ACKR3: variants seen among roughly 807,000 people sequenced by gnomAD.
ACKR3 encodes the protein C-X-C chemokine receptor type 7.
A neutral mutation model predicts 22.4 loss-of-function variants in ACKR3; 6 were observed. The observed-to-expected ratio is 0.27, with a 90% CI of 0.15 to 0.53. The LOEUF (loss-of-function observed/expected upper bound fraction) is 0.53, where lower values mean the gene tolerates loss of function less well. ACKR3 is among the 20% of genes least tolerant of loss of function. The pLI is 0.96. For synonymous variants in ACKR3, 209 were observed against 205.2 expected (o/e 1.02, Z -0.16); for missense variants, 396 against 475.2 (o/e 0.83, Z 1.55).
chr2:236,557,287 C>T, the ACKR3 span, among the ~76,000 whole-genome samples: 1,780 of 147,720 alleles, frequency 0.012, 29 homozygotes, highest in Non-Finnish European at 0.012. Context: ...TGTGTGCATA[C>T]GTATAGATGT....
chr2:236,575,292 C>T (rs942660460), intron 1 of ACKR3, among the ~76,000 whole-genome samples: 4 of 152,314 alleles, frequency 2.6e-5, no homozygotes, highest in Admixed American at 6.5e-5. Flanking sequence ...ATACTTACTG[C>T]AGGTCTTTTT....
chr2:236,561,815 AG>A, the ACKR3 span, among the ~76,000 whole-genome samples: 1 of 152,076 alleles, frequency 6.6e-6, no homozygotes, highest in Admixed American at 6.5e-5. Flanking sequence ...TTGTATACTG[AG>A]TTTGTATTGT....
chr2:236,562,489 A>G, the ACKR3 span, among the ~76,000 whole-genome samples: 2 of 152,064 alleles, frequency 1.3e-5, no homozygotes, highest in Non-Finnish European at 2.9e-5. Context: ...CTTCTGGTGC[A>G]ATGTATACAA....
the ACKR3 span, among the ~76,000 whole-genome samples, chr2:236,542,266 T>TA: frequency 2.6e-5 from 4 of 152,366 alleles, no homozygotes; most frequent in East Asian, 7.7e-4. Context: ...TGGGAGTTTT[T>TA]ACGCTATAGA....
the ACKR3 span, among the ~76,000 whole-genome samples, chr2:236,546,083 T>G: frequency 2.2e-4 from 33 of 152,334 alleles, 1 homozygote; most frequent in East Asian, 6.0e-3. This position sits in a 1 kb window ranked among gnomAD's most constrained non-coding sequence, Gnocchi z 4.9. Context: ...TTTTGTGAGT[T>G]GTGAAGCACC....
the ACKR3 span, among the ~76,000 whole-genome samples, chr2:236,539,470 G>A: frequency 6.6e-6 from 1 of 151,596 alleles, no homozygotes; most frequent in Non-Finnish European, 1.5e-5. Context: ...TCACTACCAC[G>A]CCTGGCTAGT....
At chr2:236,571,702 G>T (rs1313921644) in intron 1 of ACKR3, among the ~76,000 whole-genome samples, 1 of 151,780 alleles carries the variant, frequency 6.6e-6, no homozygotes, top group Non-Finnish European at 1.5e-5. Context: ...TCATTTTAGG[G>T]CGAGAGCTCC....
the ACKR3 span, among the ~76,000 whole-genome samples, chr2:236,545,639 A>G: frequency 4.0e-3 from 606 of 152,286 alleles, 6 homozygotes; most frequent in African/African-American, 0.014. The surrounding 1 kb of genome is among the most constrained non-coding windows in gnomAD (Gnocchi z 5.3). Context: ...GGACAAAATC[A>G]ACTTTCAGTG....
upstream of ACKR3, among the ~76,000 whole-genome samples, chr2:236,568,458 C>G (rs944209742): frequency 6.6e-6 from 1 of 152,218 alleles, no homozygotes; most frequent in African/African-American, 2.4e-5. Context: ...TTTCCAGCGT[C>G]TCTGGGGAGC....
chr2:236,576,682 C>G (rs1488440738), intron 1 of ACKR3, among the ~76,000 whole-genome samples: 1 of 152,264 alleles, frequency 6.6e-6, no homozygotes, highest in Non-Finnish European at 1.5e-5. Context: ...CCTAAACGTC[C>G]TGCACGCAGG....
At chr2:236,562,664 T>C in the ACKR3 span, among the ~76,000 whole-genome samples, 1 of 151,910 alleles carries the variant, frequency 6.6e-6, no homozygotes, top group African/African-American at 2.4e-5. Flanking sequence ...GTTATTAGAC[T>C]GCAACGAGAT....
the ACKR3 span, among the ~76,000 whole-genome samples, chr2:236,553,288 A>G: frequency 2.0e-5 from 3 of 152,240 alleles, no homozygotes; most frequent in Non-Finnish European, 2.9e-5. Flanking sequence ...GGAGGAAGGC[A>G]GAGAGTAGAC....
the ACKR3 span, among the ~76,000 whole-genome samples, chr2:236,539,281 T>C: frequency 2.0e-5 from 3 of 151,204 alleles, no homozygotes; most frequent in South Asian, 6.3e-4. Context: ...TCTCTTTGTG[T>C]AAACATTATT....
chr2:236,543,941 GTATATATATA>G, the ACKR3 span, among the ~76,000 whole-genome samples: 600 of 57,700 alleles, frequency 0.01, 9 homozygotes, highest in Non-Finnish European at 0.017. Flanking sequence ...TGGGAGAAGG[GTATATATATA>G]TATATATATA....
chr2:236,553,134 C>T, the ACKR3 span, among the ~76,000 whole-genome samples: 8 of 152,160 alleles, frequency 5.3e-5, no homozygotes. Flanking sequence ...CAGTTGCCTG[C>T]GGTTGGCTGC....
At chr2:236,548,724 G>A in the ACKR3 span, among the ~76,000 whole-genome samples, 2 of 152,236 alleles carry the variant, frequency 1.3e-5, no homozygotes, top group African/African-American at 4.8e-5. This position sits in a 1 kb window ranked among gnomAD's most constrained non-coding sequence, Gnocchi z 4.3. Flanking sequence ...AGACTATGGA[G>A]CATTGTTTGA....
chr2:236,560,729 T>C, the ACKR3 span, among the ~76,000 whole-genome samples: 1 of 152,224 alleles, frequency 6.6e-6, no homozygotes, highest in Non-Finnish European at 1.5e-5. Flanking sequence ...GTGCTTCTGA[T>C]GTCATTGCCA....
the ACKR3 span, among the ~76,000 whole-genome samples, chr2:236,551,773 A>T: frequency 6.6e-6 from 1 of 151,956 alleles, no homozygotes; most frequent in African/African-American, 2.4e-5. Flanking sequence ...TTCAGCCCAG[A>T]CCTCCAAGAC....
chr2:236,541,762 G>A, the ACKR3 span, among the ~76,000 whole-genome samples: 2 of 152,146 alleles, frequency 1.3e-5, no homozygotes, highest in Non-Finnish European at 2.9e-5. Flanking sequence ...AATTATGGTG[G>A]TAGTTTACTC....
Sources: allele counts gnomAD v4.1 joint callset (sites outside exome capture counted in the v4.1 genomes callset), GRCh38; gene constraint gnomAD v4.1.1; non-coding constraint Gnocchi (gnomAD v3.1); transcripts MANE v1.5; gene names NCBI Gene and HGNC (gene_info 2026-07-23, HGNC 2026-07-21).